LOC128462377: variants seen among roughly 807,000 people sequenced by gnomAD.
the LOC128462377 span, among the ~76,000 whole-genome samples, chr16:89,335,700 C>T: frequency 6.6e-6 from 1 of 152,238 alleles, no homozygotes; most frequent in African/African-American, 2.4e-5. Context: ...AGCACATGAG[C>T]GCCCAGGGGC....
the LOC128462377 span, among the ~76,000 whole-genome samples, chr16:89,354,480 T>C: frequency 6.6e-6 from 1 of 152,184 alleles, no homozygotes; most frequent in African/African-American, 2.4e-5. Flanking sequence ...AGTGGAAATG[T>C]CACAGAGGGC....
chr16:89,389,302 G>A, the LOC128462377 span, among the ~76,000 whole-genome samples: 1 of 152,016 alleles, frequency 6.6e-6, no homozygotes, highest in Non-Finnish European at 1.5e-5. Flanking sequence ...TGGGATTACA[G>A]GCGTGAGCCA....
At chr16:89,344,665 C>T in the LOC128462377 span, among the ~76,000 whole-genome samples, 3 of 152,192 alleles carry the variant, frequency 2.0e-5, no homozygotes, top group Non-Finnish European at 4.4e-5. Context: ...TGAGGGCACC[C>T]TCATGCATGC....
At chr16:89,386,164 T>A in the LOC128462377 span, among the ~76,000 whole-genome samples, 1 of 152,218 alleles carries the variant, frequency 6.6e-6, no homozygotes, top group African/African-American at 2.4e-5. Context: ...CGGCTTCCAA[T>A]GAACAATTCA....
At chr16:89,333,729 C>A in the LOC128462377 span, among the ~76,000 whole-genome samples, 1 of 152,114 alleles carries the variant, frequency 6.6e-6, no homozygotes, top group African/African-American at 2.4e-5. Flanking sequence ...ATCCATTCAC[C>A]CTCTGCAGGA....
the LOC128462377 span, among the ~76,000 whole-genome samples, chr16:89,334,697 C>G: frequency 6.6e-6 from 1 of 152,094 alleles, no homozygotes; most frequent in Non-Finnish European, 1.5e-5. Flanking sequence ...CCCAGGCACA[C>G]CCCAGGGATG....
chr16:89,355,995 G>A, the LOC128462377 span, among the ~76,000 whole-genome samples: 1 of 152,306 alleles, frequency 6.6e-6, no homozygotes, highest in Admixed American at 6.5e-5. Context: ...AGGATCACAT[G>A]AGCCCCGCCC....
the LOC128462377 span, among the ~76,000 whole-genome samples, chr16:89,348,080 C>T: frequency 9.9e-5 from 15 of 152,058 alleles, no homozygotes; most frequent in South Asian, 2.1e-4. Context: ...ACTACAGGCG[C>T]GCCACCCTGC....
the LOC128462377 span, among the ~76,000 whole-genome samples, chr16:89,345,453 T>G: frequency 2.0e-5 from 3 of 152,176 alleles, no homozygotes; most frequent in Admixed American, 2.0e-4. Flanking sequence ...CCTCTGTCCC[T>G]GCAGCCACGG....
the LOC128462377 span, among the ~76,000 whole-genome samples, chr16:89,380,445 T>C: frequency 3.2e-4 from 48 of 152,132 alleles, no homozygotes; most frequent in Non-Finnish European, 5.4e-4. Flanking sequence ...TTCTCCTAAG[T>C]GGATTAGAGC....
At chr16:89,347,729 G>C in the LOC128462377 span, among the ~76,000 whole-genome samples, 2 of 151,864 alleles carry the variant, frequency 1.3e-5, no homozygotes, top group Non-Finnish European at 2.9e-5. Context: ...CAGTAATAAA[G>C]GTTACTTTTT....
chr16:89,413,994 T>G, the LOC128462377 span, among the ~76,000 whole-genome samples: 1 of 152,020 alleles, frequency 6.6e-6, no homozygotes, highest in Non-Finnish European at 1.5e-5. Flanking sequence ...CGGCTCTGGC[T>G]GAGCTGACTT....
At chr16:89,390,440 G>T in the LOC128462377 span, among the ~76,000 whole-genome samples, 3 of 152,264 alleles carry the variant, frequency 2.0e-5, no homozygotes, top group Non-Finnish European at 2.9e-5. Context: ...CTAACCAACG[G>T]TAAGGGGTGC....
At chr16:89,388,382 G>A in the LOC128462377 span, among the ~76,000 whole-genome samples, 1 of 144,062 alleles carries the variant, frequency 6.9e-6, no homozygotes, top group South Asian at 2.2e-4. Context: ...TGCCCGCCTT[G>A]GCCTCCCAAA....
At chr16:89,322,958 T>C in the LOC128462377 span, 1 of 259,142 alleles carries the variant, frequency 3.9e-6, no homozygotes, top group Admixed American at 5.1e-5. Flanking sequence ...ATCCGCTCAC[T>C]TGAGCCTCCC....
the LOC128462377 span, among the ~76,000 whole-genome samples, chr16:89,331,399 G>C: frequency 1.3e-5 from 2 of 152,154 alleles, no homozygotes; most frequent in Non-Finnish European, 2.9e-5. Flanking sequence ...CCCGATCTCT[G>C]ACAAACAGGC....
chr16:89,397,712 G>A, the LOC128462377 span, among the ~76,000 whole-genome samples: 11 of 152,336 alleles, frequency 7.2e-5, no homozygotes, highest in African/African-American at 2.6e-4. Context: ...TACTGCTCTT[G>A]GAATGTCAAG....
chr16:89,381,330 G>GAAA, the LOC128462377 span, among the ~76,000 whole-genome samples: 2 of 49,582 alleles, frequency 4.0e-5, no homozygotes, highest in African/African-American at 1.7e-4. Flanking sequence ...AGACTCTGCT[G>GAAA]CAAAAAAAAA....
At chr16:89,352,241 G>A in the LOC128462377 span, among the ~76,000 whole-genome samples, 3 of 152,050 alleles carry the variant, frequency 2.0e-5, no homozygotes, top group Non-Finnish European at 4.4e-5. Flanking sequence ...ATGGAATGCT[G>A]GACACGAGAC....
Sources: allele counts gnomAD v4.1 joint callset (sites outside exome capture counted in the v4.1 genomes callset), GRCh38; gene constraint gnomAD v4.1.1; transcripts MANE v1.5.